Variants in DMTF1 observed in about 807,000 individuals in gnomAD.
The protein encoded by DMTF1 is cyclin D binding myb like transcription factor 1.
DMTF1 carries 39 observed loss-of-function variants against 91.1 expected under a neutral mutation model. That is an observed-to-expected ratio of 0.43 (90% CI 0.33 to 0.56). DMTF1 has a LOEUF of 0.56. DMTF1 is among the 20% of genes least tolerant of loss of function. DMTF1 has a pLI of 0.05. For missense variants in DMTF1, 750 were observed against 914.5 expected, an observed-to-expected ratio of 0.82 and a Z score of 2.32; for synonymous variants, 338 against 309.5, an observed-to-expected ratio of 1.09 and a Z score of -0.97.
Position 87,195,221 on chromosome 7 carries a change from C to T in DMTF1, c.*81C>T. ...CTCTTCAAAGAAATAGGAGCAACCC[C>T]CAAGAGGCTTAATTTACCAATTTAA... is the stretch of plus-strand genomic sequence containing the variant. On this transcript the variant is annotated 3_prime_UTR_variant, in exon 18 of 18. Transcript: ENST00000331242. 7.2e-6 allele frequency: 7 copies of T among 966,222 alleles called. No homozygotes were observed. Among genetic ancestry groups the T allele is most frequent in the South Asian group, 3.0e-5 (2 of 67,304 alleles). 59.9% of individuals were successfully genotyped at this position (966,222 alleles called of 1,614,324 possible).
At chr7:87,194,442 G>T in intron 16 of DMTF1, 1 of 484,790 alleles carries the variant, frequency 2.1e-6, no homozygotes, top group Non-Finnish European at 3.6e-6. Context: ...CACTGTAACA[G>T]CATTGTTTCT....
At chr7:87,171,111 G>T (rs770462236) in intron 5 of DMTF1, 22 bp downstream of exon 5, 1 of 1,476,774 alleles carries the variant, frequency 6.8e-7, no homozygotes, top group South Asian at 1.2e-5. Flanking sequence ...CTTTTAACTG[G>T]CCTCAGGAGG....
chr7:87,192,850 T>C, intron 14 of DMTF1: 1 of 193,484 alleles, frequency 5.2e-6, no homozygotes. Flanking sequence ...GTTGTGCCTT[T>C]TTTTTTTAAA....
chr7:87,155,448 A>G (rs778133469), intron 1 of DMTF1: 4 of 152,148 alleles, frequency 2.6e-5, no homozygotes, highest in South Asian at 2.1e-4. Context: ...ATGCTTTGCA[A>G]TTGCAGCTCC....
chr7:87,166,492 A>G lies in DMTF1; in HGVS notation c.119A>G (p.Glu40Gly), dbSNP rs768207597. 9.9e-6 allele frequency: 16 copies of G among 1,611,502 alleles called. 1 individual carries two copies. In the South Asian group the frequency reaches 1.1e-4, roughly 11 times the overall value. ...TGTTTTCTTCCATTAGAAGCGGATG[A>G]AATAGACTCAGAAGATAGTATTGAA... is the stretch of plus-strand genomic sequence containing the variant. ...ILHCPQNEADEIDSEDSIEPP... is the reference protein window; with the variant it reads ...ILHCPQNEADGIDSEDSIEPP... Residue 40 changes from glutamate to glycine, a missense_variant, in exon 4 of 18, where the codon GAA becomes GGA. By Grantham distance (98) the Glu-to-Gly change is moderately conservative. Coordinates refer to ENST00000331242, the MANE Select transcript of DMTF1 (RefSeq NM_001142327.2).
At chr7:87,177,953 C>T (rs1036682566) in intron 7 of DMTF1, among the ~76,000 whole-genome samples, 2 of 152,238 alleles carry the variant, frequency 1.3e-5, no homozygotes, top group African/African-American at 4.8e-5. Flanking sequence ...TCATAAATAT[C>T]TTGGCTGTTC....
chr7:87,173,420 T>C (rs1795555741), intron 5 of DMTF1, 115 bp from the exon 6 acceptor site: 1 of 520,518 alleles, frequency 1.9e-6, no homozygotes, highest in Non-Finnish European at 3.4e-6. Context: ...CATATGACTA[T>C]ATTTAAGTTT....
At chr7:87,153,750 G>A (rs998918389) in intron 1 of DMTF1, among the ~76,000 whole-genome samples, 1 of 152,122 alleles carries the variant, frequency 6.6e-6, no homozygotes, top group African/African-American at 2.4e-5. Context: ...CATGTCTTAA[G>A]CTTAAAGTGA....
intron 1 of DMTF1, among the ~76,000 whole-genome samples, chr7:87,158,905 G>C (rs1365152535): frequency 6.6e-6 from 1 of 151,970 alleles, no homozygotes; most frequent in Admixed American, 6.6e-5. Flanking sequence ...TCTAAAAGTT[G>C]TATTTTTCAA....
At chr7:87,167,584 T>C (rs940493216) in intron 4 of DMTF1, among the ~76,000 whole-genome samples, 3 of 141,302 alleles carry the variant, frequency 2.1e-5, no homozygotes, top group African/African-American at 8.0e-5. Flanking sequence ...AAATCATATC[T>C]ATCATATCTT....
intron 10 of DMTF1, 91 bp downstream of exon 10, chr7:87,182,428 AT>A: frequency 1.7e-6 from 2 of 1,196,104 alleles, no homozygotes; most frequent in Non-Finnish European, 2.4e-6. Flanking sequence ...TTGGGGAGCG[AT>A]TTAGATCATT....
intron 16 of DMTF1, chr7:87,194,392 G>T (rs1436428480): frequency 2.3e-6 from 1 of 440,396 alleles, no homozygotes; most frequent in Non-Finnish European, 4.1e-6. Flanking sequence ...TTCCTGAGTG[G>T]TTAGTAATCT....
intron 13 of DMTF1, among the ~76,000 whole-genome samples, chr7:87,190,039 A>T (rs1799390750): frequency 6.6e-6 from 1 of 152,110 alleles, no homozygotes; most frequent in Non-Finnish European, 1.5e-5. Flanking sequence ...ATTACACAGT[A>T]AAAGTTCCAA....
intron 12 of DMTF1, 53 bp from the exon 13 acceptor site, chr7:87,188,039 A>G (rs1206571674): frequency 6.8e-7 from 1 of 1,464,338 alleles, no homozygotes; most frequent in Non-Finnish European, 9.6e-7. Context: ...TGCTGCTTAG[A>G]TGGTGGTCTG....
At chr7:87,167,871 C>A (rs1274504370) in intron 4 of DMTF1, among the ~76,000 whole-genome samples, 1 of 152,118 alleles carries the variant, frequency 6.6e-6, no homozygotes, top group Non-Finnish European at 1.5e-5. Context: ...ATTTTCTAAG[C>A]TAGAATTTTT....
intron 4 of DMTF1, among the ~76,000 whole-genome samples, chr7:87,167,494 G>A (rs924170596): frequency 1.3e-5 from 2 of 152,190 alleles, no homozygotes; most frequent in South Asian, 2.1e-4. Context: ...CCATAGCTGA[G>A]AACTTTGATT....
In DMTF1 at chr7:87,166,575, ACTC is replaced by A. The variant is rs747069552; in HGVS notation, c.205_207del (p.Pro69del). 1.1e-5 allele frequency: 17 copies of A among 1,613,090 alleles called. No individual in the cohort carries two copies. Among genetic ancestry groups the A allele is most frequent in the Non-Finnish European group, 1.3e-5 (15 of 1,179,408 alleles). Reference sequence around the variant, plus strand: ...GGATGATCAGAGTATTGATGATTCTACTCCTTGCATATCAGTTGTTGCACTTCC... The same window carrying A: ...GGATGATCAGAGTATTGATGATTCTACTTGCATATCAGTTGTTGCACTTCC... On this transcript the variant is annotated inframe_deletion, in exon 4 of 18. Coordinates refer to ENST00000331242, the MANE Select transcript of DMTF1 (RefSeq NM_001142327.2).
At chr7:87,159,313 C>T (rs1346970372) in intron 1 of DMTF1, among the ~76,000 whole-genome samples, 2 of 152,126 alleles carry the variant, frequency 1.3e-5, no homozygotes, top group Non-Finnish European at 2.9e-5. Flanking sequence ...AGCCACTCTC[C>T]ACTGATAAAG....
At chr7:87,188,020 C>A (rs1005344459) in intron 12 of DMTF1, 72 bp from the exon 13 acceptor site, 7 of 1,225,482 alleles carry the variant, frequency 5.7e-6, no homozygotes, top group African/African-American at 1.5e-5. Context: ...TACCTCCCCC[C>A]ACCTCCCTTG....
Sources: allele counts gnomAD v4.1 joint callset (sites outside exome capture counted in the v4.1 genomes callset), GRCh38; gene constraint gnomAD v4.1.1; transcripts MANE v1.5; gene names NCBI Gene and HGNC (gene_info 2026-07-23, HGNC 2026-07-21).